Variants in LCA5 observed in about 807,000 individuals in gnomAD.
The protein encoded by LCA5 is lebercilin.
LCA5 carries 37 observed loss-of-function variants against 53.0 expected under a neutral mutation model. The ratio of observed to expected loss-of-function variants is 0.70; its 90% CI spans 0.54 to 0.92. The LOEUF is 0.92. Ranked by LOEUF, LCA5 falls within the 40% of genes least tolerant of loss-of-function variation. The pLI is 0.00. For missense variants in LCA5, 806 were observed against 790.5 expected, an observed-to-expected ratio of 1.02 and a Z score of -0.23; for synonymous variants, 303 against 282.9, an observed-to-expected ratio of 1.07 and a Z score of -0.71.
At chr6:79,507,873 C>A (rs1339033024) in intron 3 of LCA5, among the ~76,000 whole-genome samples, 1 of 152,158 alleles carries the variant, frequency 6.6e-6, no homozygotes, top group African/African-American at 2.4e-5. Flanking sequence ...CAGCCCACCA[C>A]CACTGGACCA....
At chr6:79,493,987 CT>C (rs1010703129) in intron 3 of LCA5, among the ~76,000 whole-genome samples, 12 of 152,222 alleles carry the variant, frequency 7.9e-5, no homozygotes, top group African/African-American at 2.9e-4. Flanking sequence ...ATTCTTAAGG[CT>C]GGGATGGTGG....
intron 1 of LCA5, among the ~76,000 whole-genome samples, chr6:79,528,730 C>T (rs1008660522): frequency 4.6e-5 from 7 of 152,112 alleles, no homozygotes; most frequent in African/African-American, 1.7e-4. Context: ...TTATAATCAA[C>T]AAAGACTCAT....
At position 79,535,665 on chromosome 6, in the gene LCA5, G is replaced by A. The variant is rs142032252; in HGVS notation, c.-192+1500C>T. Reference sequence around the variant, plus strand: ...GGATGCCTATGGATAGGAAATTTATGTGGAAATACCAAAAATTAGCTACAA... The same window carrying A: ...GGATGCCTATGGATAGGAAATTTATATGGAAATACCAAAAATTAGCTACAA... On this transcript the variant is annotated intron_variant, in intron 1 of 7. Transcript: ENST00000369846. 3.1e-3 allele frequency among the ~76,000 whole-genome samples: 472 copies of A among 152,252 alleles called. 1 individual carries two copies. The highest frequency in any genetic ancestry group is 0.011 in the African/African-American group (460 of 41,530).
chr6:79,529,636 T>C (rs146513537), intron 1 of LCA5, among the ~76,000 whole-genome samples: 186 of 152,266 alleles, frequency 1.2e-3, no homozygotes, highest in Middle Eastern at 6.8e-3. Flanking sequence ...ATCATGCTGC[T>C]ATAAAGACAC....
intron 2 of LCA5, among the ~76,000 whole-genome samples, chr6:79,516,584 A>G (rs1386478934): frequency 1.3e-5 from 2 of 152,010 alleles, no homozygotes. Flanking sequence ...TTCTATAACT[A>G]CAAACTGATC....
At chr6:79,524,846 A>T (rs1035182041) in intron 1 of LCA5, among the ~76,000 whole-genome samples, 1 of 152,088 alleles carries the variant, frequency 6.6e-6, no homozygotes, top group African/African-American at 2.4e-5. Flanking sequence ...CAATCTGGAA[A>T]TCTGTATCTT....
chr6:79,518,489 T>C (rs560700756), intron 2 of LCA5, among the ~76,000 whole-genome samples: 1 of 152,298 alleles, frequency 6.6e-6, no homozygotes, highest in Non-Finnish European at 1.5e-5. Context: ...TGTTTCCTTC[T>C]GTATACTGTA....
chr6:79,538,022 T>G (rs1036864003), upstream of LCA5, among the ~76,000 whole-genome samples: 9 of 64,458 alleles, frequency 1.4e-4, no homozygotes, highest in East Asian at 1.3e-3. Context: ...ACACAAGTTT[T>G]TTTTTTTTTT....
intron 3 of LCA5, among the ~76,000 whole-genome samples, chr6:79,498,723 A>C (rs1164075405): frequency 6.6e-6 from 1 of 152,074 alleles, no homozygotes; most frequent in East Asian, 1.9e-4. Context: ...TTTTTTTAAA[A>C]ATTAAAAACA....
chr6:79,529,855 CA>C (rs1246744705), intron 1 of LCA5, among the ~76,000 whole-genome samples: 1 of 144,510 alleles, frequency 6.9e-6, no homozygotes, highest in African/African-American at 2.6e-5. Context: ...ATTGCAAGGA[CA>C]AAAAAAACCA....
At position 79,491,613 on chromosome 6, in the gene LCA5, C is replaced by T; in HGVS notation, c.1073G>A (p.Trp358Ter). 6.2e-7 allele frequency: 1 copy of T among 1,612,980 alleles called. No homozygotes were observed. The highest frequency in any genetic ancestry group is 1.1e-5 in the South Asian group (1 of 91,042). Residue 358 changes from tryptophan (W) to a stop codon, truncating the protein, a stop_gained, in exon 6 of 8, where the codon TGG becomes TAG. Transcript: ENST00000369846. LOFTEE classifies it high-confidence loss of function. The part of the protein sequence containing the change: ...PETIMCYENK[W>*]EEPGHLTLDL... Reference sequence around the variant, plus strand: ...CAAAGTAAGATGTCCTGGTTCTTCCCATTTGTTTTCGTAACACATAATTGT... The same window carrying T: ...CAAAGTAAGATGTCCTGGTTCTTCCTATTTGTTTTCGTAACACATAATTGT...
chr6:79,498,161 C>G (rs1770034811), intron 3 of LCA5, among the ~76,000 whole-genome samples: 1 of 123,976 alleles, frequency 8.1e-6, no homozygotes, highest in Non-Finnish European at 1.6e-5. Flanking sequence ...TGCAAGTTAC[C>G]CTCAAATAGC....
chr6:79,513,376 C>T lies in LCA5; in HGVS notation c.556G>A (p.Glu186Lys), dbSNP rs750681198. The T allele has an allele frequency of 3.7e-6, 6 of 1,613,918 alleles. No homozygotes were observed. In the South Asian group the frequency reaches 6.6e-5, roughly 18 times the overall value. ...RKSQEKERATEKRVKDTESEL... is the reference protein window; with the variant it reads ...RKSQEKERATKKRVKDTESEL... ...CTTTCTGTATCTTTTACCCTTTTCT[C>T]AGTTGCCCGTTCTTTCTCTTGAGAT... The change falls in exon 3 of 8, where the codon GAG becomes AAG. Residue 186 changes from glutamate (E) to lysine (K), a missense_variant. Coordinates refer to ENST00000369846, the MANE Select transcript of LCA5 (RefSeq NM_001122769.3).
At chr6:79,493,182 A>G (rs1162925789) in intron 4 of LCA5, among the ~76,000 whole-genome samples, 1 of 152,186 alleles carries the variant, frequency 6.6e-6, no homozygotes, top group East Asian at 1.9e-4. Context: ...AGAATGAAGA[A>G]TACCTGTTTT....
intron 1 of LCA5, among the ~76,000 whole-genome samples, chr6:79,523,887 C>A (rs1242753422): frequency 6.6e-6 from 1 of 152,156 alleles, no homozygotes; most frequent in Non-Finnish European, 1.5e-5. Flanking sequence ...CTGAAACAAC[C>A]ATTTTAATGG....
At chr6:79,488,687 T>G in intron 7 of LCA5, 1 of 306,732 alleles carries the variant, frequency 3.3e-6, no homozygotes, top group Non-Finnish European at 6.0e-6. Flanking sequence ...CACAACTCAC[T>G]CACAAATAGT....
chr6:79,489,305 C>T (rs1055333795), intron 6 of LCA5, 89 bp from the exon 7 acceptor site: 38 of 1,287,414 alleles, frequency 3.0e-5, no homozygotes, highest in Middle Eastern at 1.9e-4. Context: ...AACATGATTA[C>T]CAACTAAGTT....
chr6:79,510,868 GA>G (rs1349052065), intron 3 of LCA5, among the ~76,000 whole-genome samples: 1 of 152,018 alleles, frequency 6.6e-6, no homozygotes, highest in African/African-American at 2.4e-5. Context: ...ACAATGAGAT[GA>G]TGCTGCATAC....
chr6:79,503,698 A>G (rs1770203260), intron 3 of LCA5, among the ~76,000 whole-genome samples: 1 of 152,220 alleles, frequency 6.6e-6, no homozygotes, highest in Admixed American at 6.5e-5. Flanking sequence ...ACCTGCAAAC[A>G]TATACAGACT....
Sources: gnomAD v4.1 joint callset for allele counts (sites outside exome capture counted in the v4.1 genomes callset) on GRCh38, gnomAD v4.1.1 for gene constraint, MANE v1.5 for transcripts, NCBI Gene and HGNC (gene_info 2026-07-23, HGNC 2026-07-21) for gene names.